Variants in KLF12 observed in about 807,000 individuals in gnomAD.
KLF12 encodes KLF transcription factor 12.
A neutral mutation model predicts 37.8 loss-of-function variants in KLF12; 9 were observed. The ratio of observed to expected loss-of-function variants is 0.24; its 90% CI spans 0.14 to 0.42. The LOEUF is 0.42. KLF12 is among the 10% of genes least tolerant of loss of function. The pLI is 1.00. For missense variants in KLF12, 411 were observed against 516.0 expected, an observed-to-expected ratio of 0.80 and a Z score of 1.97; for synonymous variants, 208 against 202.1, an observed-to-expected ratio of 1.03 and a Z score of -0.25.
At chr13:74,278,276 T>C in the KLF12 span, among the ~76,000 whole-genome samples, 1 of 152,222 alleles carries the variant, frequency 6.6e-6, no homozygotes, top group Non-Finnish European at 1.5e-5. Flanking sequence ...TGGTGAGGTC[T>C]ATTCCTACTT....
At chr13:73,845,083 T>C (rs1050961502) in intron 4 of KLF12, 1 of 152,144 alleles carries the variant, frequency 6.6e-6, no homozygotes, top group African/African-American at 2.4e-5. Context: ...ACCAGCTGCA[T>C]AACTATCAAA....
intron 7 of KLF12, among the ~76,000 whole-genome samples, chr13:73,700,125 G>C (rs1216650739): frequency 6.6e-6 from 1 of 151,930 alleles, no homozygotes; most frequent in Non-Finnish European, 1.5e-5. Context: ...TAAATCAGCT[G>C]GTGTGGTGAC....
chr13:74,165,501 G>A, the KLF12 span, among the ~76,000 whole-genome samples: 1 of 151,896 alleles, frequency 6.6e-6, no homozygotes, highest in Admixed American at 6.6e-5. Flanking sequence ...GTTTCACCGT[G>A]TTGGCCAGGC....
At chr13:74,232,020 T>C in the KLF12 span, among the ~76,000 whole-genome samples, 1 of 152,210 alleles carries the variant, frequency 6.6e-6, no homozygotes, top group Admixed American at 6.5e-5. Flanking sequence ...AAGTTAAAAT[T>C]CTAGAAGCTA....
At position 73,846,240 on chromosome 13, in the gene KLF12, AT is replaced by A; in HGVS notation, c.256del (p.Ile86Ter). The A allele has an allele frequency of 6.2e-7, 1 of 1,614,140 alleles. No homozygotes were observed. ...AGTAGGGGACGTCCTGGCTTTGTTT[AT>A]TGACAAGTCCACTGGCTCAGTTTGT... On this transcript the variant is annotated frameshift_variant, in exon 4 of 8. Coordinates refer to ENST00000377669, the MANE Select transcript of KLF12 (RefSeq NM_007249.5). LOFTEE classifies it high-confidence loss of function.
Position 74,133,806 on chromosome 13 carries a change from C to A in KLF12, c.-99G>T, listed in dbSNP as rs938035639. The stretch of plus-strand genomic sequence containing the variant: ...TCACACAGAGTCCCCCTCTCTCTCT[C>A]CCTTTCTCTCTCTCACACGCGCGCG... On this transcript the variant is annotated 5_prime_UTR_variant, in exon 1 of 8. Transcript: ENST00000377669. Among the ~76,000 whole-genome samples the A allele has an allele frequency of 7.2e-6, 1 of 138,664 alleles. No homozygotes were observed. The highest frequency in any genetic ancestry group is 2.6e-5 in the African/African-American group (1 of 38,170). The allele number at this position is 138,664 out of a possible 152,430, so 91.0% of individuals were successfully genotyped here.
In KLF12 at chr13:73,959,191, A is replaced by T. The variant is rs1423372523; in HGVS notation, c.34-15121T>A. Among the ~76,000 whole-genome samples the T allele has an allele frequency of 4.8e-5, 7 of 146,564 alleles. No homozygotes were observed. The Admixed American group carries it at 4.8e-4, about 10-fold the overall frequency. On this transcript the variant is annotated intron_variant, in intron 2 of 7. Transcript: ENST00000377669. ...CATGAATTTTCCATCAAGGAATGAC[A>T]TCATCATTGACACAACCCTATTTCT...
At chr13:73,845,803 T>C (rs556434886) in intron 4 of KLF12, 24 bp downstream of exon 4, 2 of 1,595,674 alleles carry the variant, frequency 1.3e-6, no homozygotes, top group East Asian at 2.2e-5. Context: ...CTGAAATAAA[T>C]CAAGGCTTGT....
the KLF12 span, among the ~76,000 whole-genome samples, chr13:74,240,096 C>T: frequency 0.034 from 5,223 of 152,162 alleles, 119 homozygotes; most frequent in Middle Eastern, 0.071. Context: ...TGTTCTTTTC[C>T]ATGTTTAGTG....
At chr13:74,201,123 A>T in the KLF12 span, among the ~76,000 whole-genome samples, 1 of 152,204 alleles carries the variant, frequency 6.6e-6, no homozygotes, top group Admixed American at 6.6e-5. Context: ...TAAACATTAA[A>T]AGAAATGTGT....
At position 73,713,503 on chromosome 13, in the gene KLF12, C is replaced by T. The variant is rs558010396; in HGVS notation, c.1027+1865G>A. 1.4e-3 allele frequency among the ~76,000 whole-genome samples: 207 copies of T among 152,184 alleles called. 1 individual carries two copies. The highest frequency in any genetic ancestry group is 2.3e-3 in the Non-Finnish European group (155 of 68,042). The stretch of plus-strand genomic sequence containing the variant: ...CTGCACAGCAGTGACTTGCTCTCTG[C>T]GAAATATGACACGCAAGGGGTTCCC... On this transcript the variant is annotated intron_variant, in intron 7 of 7. Transcript: ENST00000377669.
chr13:74,071,233 G>C (rs1874217527), intron 1 of KLF12, among the ~76,000 whole-genome samples: 1 of 152,062 alleles, frequency 6.6e-6, no homozygotes, highest in African/African-American at 2.4e-5. Flanking sequence ...AACACCATTT[G>C]TCCATCTCAT....
At chr13:74,186,878 TAGAC>T in the KLF12 span, among the ~76,000 whole-genome samples, 1 of 152,128 alleles carries the variant, frequency 6.6e-6, no homozygotes, top group African/African-American at 2.4e-5. Context: ...CTCAAGGACA[TAGAC>T]AGTATGTGCA....
At chr13:74,148,883 C>T in the KLF12 span, among the ~76,000 whole-genome samples, 1 of 152,180 alleles carries the variant, frequency 6.6e-6, no homozygotes, top group Non-Finnish European at 1.5e-5. Flanking sequence ...GGCATGACCT[C>T]GGCTCACTGC....
chr13:74,094,241 T>C (rs7335050), intron 1 of KLF12, among the ~76,000 whole-genome samples: 55,792 of 152,020 alleles, frequency 0.37, 12,007 homozygotes, highest in East Asian at 0.8. Context: ...CGTCCCTTGG[T>C]GGCCGAGAAA....
the KLF12 span, among the ~76,000 whole-genome samples, chr13:74,217,457 G>A: frequency 2.6e-5 from 4 of 152,028 alleles, no homozygotes; most frequent in African/African-American, 4.8e-5. Flanking sequence ...GGCTGGGCGC[G>A]GTGGCTCATG....
At chr13:74,245,223 G>A in the KLF12 span, among the ~76,000 whole-genome samples, 1 of 152,154 alleles carries the variant, frequency 6.6e-6, no homozygotes, top group Non-Finnish European at 1.5e-5. Context: ...CGTTTGTGAT[G>A]AATTTGGGAC....
intron 1 of KLF12, among the ~76,000 whole-genome samples, chr13:74,077,590 C>T (rs1028744804): frequency 2.0e-5 from 3 of 152,140 alleles, no homozygotes; most frequent in Admixed American, 6.6e-5. Context: ...TGACCCCCAT[C>T]ATTTGTGAGA....
chr13:74,022,667 CCA>C (rs1491220013), intron 1 of KLF12, among the ~76,000 whole-genome samples: 8 of 29,108 alleles, frequency 2.7e-4, no homozygotes, highest in South Asian at 3.1e-3. Flanking sequence ...AAGGGTAAAT[CCA>C]AAAAAAAAAA....
Sources: allele counts gnomAD v4.1 joint callset (sites outside exome capture counted in the v4.1 genomes callset), GRCh38; gene constraint gnomAD v4.1.1; transcripts MANE v1.5; gene names NCBI Gene and HGNC (gene_info 2026-07-23, HGNC 2026-07-21).